The following CSMD1 variants were observed in gnomAD, a reference collection of about 807,000 sequenced individuals.
The protein encoded by CSMD1 is CUB and Sushi multiple domains 1, also known as CUB and sushi domain-containing protein 1.
CSMD1 carries 213 observed loss-of-function variants against 417.5 expected under a neutral mutation model. That is an observed-to-expected ratio of 0.51 (90% CI 0.46 to 0.57). CSMD1 has a LOEUF of 0.57. Among genes scored for constraint, CSMD1 ranks in the 20% least tolerant of loss-of-function variants. The probability of loss-of-function intolerance (pLI) is 0.00; values close to 1 mark genes in which losing one functional copy is unlikely to be tolerated. For synonymous variants in CSMD1, 2,862 were observed against 1,736.8 expected, an observed-to-expected ratio of 1.65 and a Z score of -16.11; for missense variants, 6,923 against 4,529.7, an observed-to-expected ratio of 1.53 and a Z score of -15.17.
At chr8:4,212,031 C>G (rs1048550946) in intron 3 of CSMD1, among the ~76,000 whole-genome samples, 1 of 151,912 alleles carries the variant, frequency 6.6e-6, no homozygotes, top group African/African-American at 2.4e-5. Flanking sequence ...AGCTGTAATG[C>G]AATAAAAGGA....
At chr8:4,225,535 T>C (rs559950707) in intron 3 of CSMD1, among the ~76,000 whole-genome samples, 1 of 151,442 alleles carries the variant, frequency 6.6e-6, no homozygotes, top group African/African-American at 2.4e-5. Context: ...TTTTTGCCTC[T>C]ATTTTTTCTT....
At chr8:4,712,296 G>T (rs1425759946) in intron 1 of CSMD1, among the ~76,000 whole-genome samples, 1 of 152,176 alleles carries the variant, frequency 6.6e-6, no homozygotes, top group Non-Finnish European at 1.5e-5. Context: ...TTCAGTGTGG[G>T]AGATGTAATT....
At chr8:3,614,630 A>C (rs1025654197) in intron 8 of CSMD1, among the ~76,000 whole-genome samples, 2 of 152,170 alleles carry the variant, frequency 1.3e-5, no homozygotes, top group Non-Finnish European at 2.9e-5. Context: ...ATATGAGTTA[A>C]TTTGTTTTGT....
At chr8:4,948,114 G>A (rs1808489463) in intron 1 of CSMD1, among the ~76,000 whole-genome samples, 1 of 151,836 alleles carries the variant, frequency 6.6e-6, no homozygotes, top group African/African-American at 2.4e-5. Context: ...TTTTCCAAAT[G>A]GTCGTATCAA....
At chr8:4,139,622 C>T (rs1369265848) in intron 3 of CSMD1, among the ~76,000 whole-genome samples, 1 of 151,138 alleles carries the variant, frequency 6.6e-6, no homozygotes, top group African/African-American at 2.5e-5. Context: ...AGAGGAAGGG[C>T]ATTTGGAATA....
intron 10 of CSMD1, among the ~76,000 whole-genome samples, chr8:3,527,104 C>T (rs927708781): frequency 6.6e-6 from 1 of 151,998 alleles, no homozygotes; most frequent in Non-Finnish European, 1.5e-5. Context: ...AGAAGGAGCC[C>T]AGAACCCAGA....
At chr8:3,827,106 G>T (rs911094130) in intron 5 of CSMD1, among the ~76,000 whole-genome samples, 5 of 152,086 alleles carry the variant, frequency 3.3e-5, no homozygotes, top group Non-Finnish European at 5.9e-5. Flanking sequence ...CTCTATTTTA[G>T]ATGTAAAAAC....
At chr8:4,558,139 A>T (rs1006598969) in intron 2 of CSMD1, among the ~76,000 whole-genome samples, 2 of 124,488 alleles carry the variant, frequency 1.6e-5, no homozygotes, top group Admixed American at 1.5e-4. Context: ...AAAAATCATA[A>T]TAAGAAGTTA....
chr8:3,176,697 G>A (rs552580430), intron 37 of CSMD1, among the ~76,000 whole-genome samples: 11 of 152,220 alleles, frequency 7.2e-5, no homozygotes, highest in African/African-American at 2.6e-4. Context: ...TAAAATGATA[G>A]CTTTTCTTGA....
intron 2 of CSMD1, among the ~76,000 whole-genome samples, chr8:4,534,360 C>A (rs776353823): frequency 6.6e-6 from 1 of 152,238 alleles, no homozygotes; most frequent in Non-Finnish European, 1.5e-5. Context: ...TGCTATAAAC[C>A]TCTGCCTTTG....
chr8:3,984,879 C>G (rs1308484118), intron 5 of CSMD1, among the ~76,000 whole-genome samples: 1 of 151,510 alleles, frequency 6.6e-6, no homozygotes, highest in Non-Finnish European at 1.5e-5. Flanking sequence ...AAGTTTGAAT[C>G]TATGTCCATA....
chr8:3,887,944 G>C (rs547706162), intron 5 of CSMD1, among the ~76,000 whole-genome samples: 1 of 152,098 alleles, frequency 6.6e-6, no homozygotes, highest in African/African-American at 2.4e-5. Context: ...ACTTTCAATA[G>C]CAATACTTAA....
chr8:3,995,783 AT>A (rs1365629884), intron 5 of CSMD1, among the ~76,000 whole-genome samples: 4 of 152,234 alleles, frequency 2.6e-5, no homozygotes, highest in African/African-American at 7.2e-5. Context: ...ATACAACTCT[AT>A]CCCCGGCTAA....
At chr8:4,762,825 G>A (rs542603646) in intron 1 of CSMD1, among the ~76,000 whole-genome samples, 7 of 152,216 alleles carry the variant, frequency 4.6e-5, no homozygotes, top group Non-Finnish European at 8.8e-5. Context: ...ATTTACTAAC[G>A]CGAAGAAAAG....
intron 5 of CSMD1, among the ~76,000 whole-genome samples, chr8:3,789,769 C>T (rs565119278): frequency 7.7e-6 from 1 of 129,406 alleles, no homozygotes; most frequent in South Asian, 2.4e-4. Context: ...TTCACTCTGT[C>T]TCCGAGGCTG....
At chr8:3,548,979 C>A (rs1002235140) in intron 10 of CSMD1, among the ~76,000 whole-genome samples, 1 of 152,048 alleles carries the variant, frequency 6.6e-6, no homozygotes, top group Non-Finnish European at 1.5e-5. Flanking sequence ...TTGCAGACAC[C>A]CCTCCCAATA....
intron 5 of CSMD1, among the ~76,000 whole-genome samples, chr8:3,758,825 T>C (rs1280045308): frequency 1.3e-5 from 2 of 152,086 alleles, no homozygotes; most frequent in Non-Finnish European, 2.9e-5. Context: ...TTACTGAGCT[T>C]GGGATGGGGA....
intron 5 of CSMD1, among the ~76,000 whole-genome samples, chr8:3,974,755 C>T (rs532935433): frequency 3.3e-4 from 50 of 151,886 alleles, no homozygotes; most frequent in South Asian, 1.2e-3. Flanking sequence ...GGTATACTTA[C>T]GGAATTCTTT....
Position 4,452,316 on chromosome 8 carries a change from C to G in CSMD1, c.303-32251G>C, listed in dbSNP as rs150135096. Among the ~76,000 whole-genome samples the G allele has an allele frequency of 5.4e-3, 825 of 152,322 alleles. 6 individuals carry two copies. The highest frequency in any genetic ancestry group is 0.019 in the African/African-American group (775 of 41,582). ...CAACTATTTAGGTGAATTATTTCTA[C>G]AGTTTTTGAAAGCAATGGCTCTAAA... On this transcript the variant is annotated intron_variant, in intron 2 of 69. Coordinates refer to ENST00000635120, the MANE Select transcript of CSMD1 (RefSeq NM_033225.6).
Sources: gnomAD v4.1 joint callset for allele counts (sites outside exome capture counted in the v4.1 genomes callset) on GRCh38, gnomAD v4.1.1 for gene constraint, MANE v1.5 for transcripts, NCBI Gene and HGNC (gene_info 2026-07-23, HGNC 2026-07-21) for gene names.